The following TEAD1 variants were observed in gnomAD, a reference collection of about 807,000 sequenced individuals.
TEAD1 encodes transcriptional enhancer factor TEF-1.
TEAD1 carries 9 observed loss-of-function variants against 54.9 expected under a neutral mutation model. The ratio of observed to expected loss-of-function variants is 0.16; its 90% CI spans 0.10 to 0.29. The LOEUF (loss-of-function observed/expected upper bound fraction) is 0.29. TEAD1 is among the 10% of genes least tolerant of loss of function. The pLI is 1.00. For missense variants in TEAD1, 387 were observed against 535.9 expected, an observed-to-expected ratio of 0.72 and a Z score of 2.74; for synonymous variants, 200 against 187.8, an observed-to-expected ratio of 1.07 and a Z score of -0.53.
chr11:12,869,204 G>A (rs1347678943), intron 5 of TEAD1, among the ~76,000 whole-genome samples: 1 of 152,128 alleles, frequency 6.6e-6, no homozygotes, highest in African/African-American at 2.4e-5. Context: ...GAAAGACCTC[G>A]CCAGCCAGGT....
intron 2 of TEAD1, among the ~76,000 whole-genome samples, chr11:12,684,382 C>T (rs1943288887): frequency 6.6e-6 from 1 of 152,214 alleles, no homozygotes; most frequent in Non-Finnish European, 1.5e-5. Context: ...AGCCACACTC[C>T]TAACATTGGG....
At chr11:12,879,622 G>T in intron 5 of TEAD1, 86 bp from the exon 6 acceptor site, 3 of 1,560,472 alleles carry the variant, frequency 1.9e-6, no homozygotes, top group Non-Finnish European at 2.6e-6. Context: ...CTGTATTTTA[G>T]TCCATGTGCT....
intron 3 of TEAD1, among the ~76,000 whole-genome samples, chr11:12,765,582 G>A (rs890906915): frequency 6.6e-6 from 1 of 152,164 alleles, no homozygotes; most frequent in Non-Finnish European, 1.5e-5. Flanking sequence ...AGCACACACT[G>A]CTAAGGAGAA....
At chr11:12,809,986 T>C (rs1011940613) in intron 3 of TEAD1, among the ~76,000 whole-genome samples, 1 of 144,688 alleles carries the variant, frequency 6.9e-6, no homozygotes, top group East Asian at 2.0e-4. Context: ...TTTTTTTTTT[T>C]TTTTTTTTTT....
rs377174338 is a variant in TEAD1 at position 12,764,254 on chromosome 11, G to A, written c.22G>A (p.Gly8Ser). Reference sequence around the variant, plus strand: ...CAAAATTGAGCCCAGCAGCTGGAGCGGCAGTGAGAGCCCTGCCGAAAACAT... The same window carrying A: ...CAAAATTGAGCCCAGCAGCTGGAGCAGCAGTGAGAGCCCTGCCGAAAACAT... The change falls in exon 3 of 13, where the codon GGC becomes AGC. Residue 8 changes from glycine to serine, a missense_variant. Physicochemically the swap from Gly to Ser is moderately conservative, Grantham distance 56. Coordinates refer to ENST00000527636, the MANE Select transcript of TEAD1 (RefSeq NM_021961.6). 2.5e-6 allele frequency: 4 copies of A among 1,613,908 alleles called. No individual in the cohort carries two copies. Among genetic ancestry groups the A allele is most frequent in the South Asian group, 2.2e-5 (2 of 91,066 alleles).
intron 2 of TEAD1, among the ~76,000 whole-genome samples, chr11:12,746,194 G>A (rs1477675860): frequency 1.3e-5 from 2 of 152,136 alleles, no homozygotes; most frequent in Non-Finnish European, 2.9e-5. Context: ...AGAGTAGCAC[G>A]GGAATGAACT....
chr11:12,803,555 A>ATGCCAGCTGTGTGGCCCTCCG (rs1263889593), intron 3 of TEAD1, among the ~76,000 whole-genome samples: 2 of 152,182 alleles, frequency 1.3e-5, no homozygotes, highest in Non-Finnish European at 2.9e-5. Flanking sequence ...GTGGCCCTCC[A>ATGCCAGCTGTGTGGCCCTCCG]TGCCAGCTGT....
In TEAD1 at chr11:12,860,330, T is replaced by TA. The variant is rs550528610; in HGVS notation, c.203-1919dup. On this transcript the variant is annotated intron_variant, in intron 3 of 12. Coordinates refer to ENST00000527636, the MANE Select transcript of TEAD1 (RefSeq NM_021961.6). ...AATTTTAGAAGTGCTGACTAAGGCT[T>TA]ATGAGGACTTTCAGGAATGCGAATG... Among the ~76,000 whole-genome samples the TA allele has an allele frequency of 4.1e-4, 63 of 152,294 alleles. No homozygotes were observed. The South Asian group carries it at 0.013, about 31-fold the overall frequency.
chr11:12,727,514 C>G (rs1944336690), intron 2 of TEAD1, among the ~76,000 whole-genome samples: 1 of 152,108 alleles, frequency 6.6e-6, no homozygotes, highest in African/African-American at 2.4e-5. Context: ...AGTCAGAATG[C>G]CTAGGAAAAG....
At position 12,939,535 on chromosome 11, in the gene TEAD1, C is replaced by G. The variant is rs1311951499; in HGVS notation, c.*2313C>G. On this transcript the variant is annotated 3_prime_UTR_variant, in exon 13 of 13. Coordinates refer to ENST00000527636, the MANE Select transcript of TEAD1 (RefSeq NM_021961.6). ...TCCAAAGCACAAAAATACTGGGACC[C>G]AAGAAGAACAGCTAGAGGACAACTC... 1.3e-5 allele frequency: 2 copies of G among 152,236 alleles called. No homozygotes were observed. Among genetic ancestry groups the G allele is most frequent in the African/African-American group, 2.4e-5 (1 of 41,432 alleles). The allele number at this position is 152,236 out of a possible 1,614,324, so 9.4% of individuals were successfully genotyped here.
chr11:12,864,770 G>T, intron 4 of TEAD1, 68 bp from the exon 5 acceptor site: 3 of 1,613,102 alleles, frequency 1.9e-6, no homozygotes, highest in Non-Finnish European at 2.5e-6. Context: ...TTGCCCACTT[G>T]TAGGGGGCTT....
intron 3 of TEAD1, among the ~76,000 whole-genome samples, chr11:12,789,483 A>G (rs1945750525): frequency 6.6e-6 from 1 of 152,248 alleles, no homozygotes; most frequent in African/African-American, 2.4e-5. Flanking sequence ...TTCCAAGGCC[A>G]TCCAAGTTCA....
At chr11:12,781,333 A>C (rs1945537848) in intron 3 of TEAD1, among the ~76,000 whole-genome samples, 1 of 152,222 alleles carries the variant, frequency 6.6e-6, no homozygotes, top group African/African-American at 2.4e-5. Flanking sequence ...AAATTCATGA[A>C]AATTAAAAAA....
At chr11:12,779,791 C>T (rs760702155) in intron 3 of TEAD1, among the ~76,000 whole-genome samples, 6 of 152,104 alleles carry the variant, frequency 3.9e-5, no homozygotes, top group Admixed American at 1.3e-4. Context: ...AATCAATTAA[C>T]GTAACACACC....
chr11:12,866,182 A>T (rs1335382992), intron 5 of TEAD1, among the ~76,000 whole-genome samples: 1 of 152,202 alleles, frequency 6.6e-6, no homozygotes, highest in African/African-American at 2.4e-5. Flanking sequence ...TTTTTAACCA[A>T]AGGTGCAATA....
chr11:12,863,653 A>G (rs1947553550), intron 4 of TEAD1, among the ~76,000 whole-genome samples: 1 of 152,168 alleles, frequency 6.6e-6, no homozygotes, highest in South Asian at 2.1e-4. Context: ...GGAAAGTTCT[A>G]CATTTCGGAA....
intron 10 of TEAD1, chr11:12,922,651 C>A (rs1037849867): frequency 1.3e-5 from 2 of 152,098 alleles, no homozygotes; most frequent in African/African-American, 2.4e-5. Flanking sequence ...AAATCTGGAG[C>A]AATACGGTGC....
At chr11:12,708,579 G>A (rs1943868537) in intron 2 of TEAD1, among the ~76,000 whole-genome samples, 2 of 152,102 alleles carry the variant, frequency 1.3e-5, no homozygotes, top group South Asian at 4.1e-4. Flanking sequence ...AGTGTCAAAT[G>A]TGCATACTCT....
intron 3 of TEAD1, among the ~76,000 whole-genome samples, chr11:12,809,998 T>TTG (rs1554936414): frequency 9.4e-5 from 11 of 117,296 alleles, no homozygotes; most frequent in African/African-American, 3.0e-4. Flanking sequence ...TTTTTTTTTT[T>TTG]GAGATGGAGC....
Sources: gnomAD v4.1 joint callset for allele counts (sites outside exome capture counted in the v4.1 genomes callset) on GRCh38, gnomAD v4.1.1 for gene constraint, MANE v1.5 for transcripts, NCBI Gene and HGNC (gene_info 2026-07-23, HGNC 2026-07-21) for gene names.